The following RORA variants were observed in gnomAD, a reference collection of about 807,000 sequenced individuals.
RORA encodes nuclear receptor ROR-alpha.
RORA carries 7 observed loss-of-function variants against 69.5 expected under a neutral mutation model. The observed-to-expected ratio is 0.10, with a 90% CI of 0.06 to 0.19. The LOEUF is 0.19. Ranked by LOEUF, RORA falls within the 10% of genes least tolerant of loss-of-function variation. The probability of loss-of-function intolerance (pLI) is 1.00; values close to 1 mark genes in which losing one functional copy is unlikely to be tolerated. For synonymous variants in RORA, 261 were observed against 240.8 expected (o/e 1.08, Z -0.78); for missense variants, 457 against 663.0 (o/e 0.69, Z 3.41).
intron 1 of RORA, among the ~76,000 whole-genome samples, chr15:61,149,884 C>T (rs1398766688): frequency 6.6e-6 from 1 of 152,120 alleles, no homozygotes; most frequent in Non-Finnish European, 1.5e-5. Context: ...TTATTATTGA[C>T]TTAAGGAAAG....
chr15:61,106,972 C>A (rs1376659905), intron 1 of RORA, among the ~76,000 whole-genome samples: 4 of 152,192 alleles, frequency 2.6e-5, no homozygotes, highest in Admixed American at 2.6e-4. Flanking sequence ...GAAGAAGGTA[C>A]TGAGTCTTCT....
At position 60,808,624 on chromosome 15, in the gene RORA, C is replaced by T. The variant is rs193085194; in HGVS notation, c.167-129938G>A. 3.8e-3 allele frequency among the ~76,000 whole-genome samples: 571 copies of T among 151,344 alleles called. 3 individuals carry two copies. The highest frequency in any genetic ancestry group is 0.01 in the African/African-American group (426 of 41,306). On this transcript the variant is annotated intron_variant, in intron 1 of 10. Transcript: ENST00000335670. ...GATACTTGCACACACACGTTTATAG[C>T]GGCACATTTTACAATTGCAAAAATA...
At chr15:60,527,531 CTCA>C (rs775666472) in intron 3 of RORA, among the ~76,000 whole-genome samples, 5 of 152,200 alleles carry the variant, frequency 3.3e-5, no homozygotes, top group Admixed American at 6.5e-5. Context: ...GTTATGCCCC[CTCA>C]TCATGCTCAC....
intron 1 of RORA, among the ~76,000 whole-genome samples, chr15:61,063,353 C>T (rs866437630): frequency 4.6e-5 from 7 of 152,244 alleles, no homozygotes; most frequent in Middle Eastern, 3.4e-3. Context: ...CCAGTGAGAA[C>T]GTGCTGGAAT....
At chr15:61,192,740 T>G (rs190251976) in intron 1 of RORA, among the ~76,000 whole-genome samples, 15 of 152,326 alleles carry the variant, frequency 9.8e-5, no homozygotes, top group African/African-American at 3.1e-4. Context: ...TCACTGAGTA[T>G]GTGATTTGTT....
intron 2 of RORA, among the ~76,000 whole-genome samples, chr15:60,594,712 T>A (rs1167225406): frequency 6.6e-6 from 1 of 152,272 alleles, no homozygotes; most frequent in Admixed American, 6.5e-5. Context: ...CTCCTGCAGT[T>A]ATAAGTAGAA....
chr15:60,878,227 C>G (rs1389971366), intron 1 of RORA, among the ~76,000 whole-genome samples: 2 of 147,944 alleles, frequency 1.4e-5, no homozygotes, highest in Non-Finnish European at 3.0e-5. Flanking sequence ...GCCTGTAGTC[C>G]CAGCTACTCA....
intron 2 of RORA, among the ~76,000 whole-genome samples, chr15:60,610,349 A>T (rs948461462): frequency 6.6e-6 from 1 of 152,126 alleles, no homozygotes; most frequent in African/African-American, 2.4e-5. Context: ...CAAAGAACAG[A>T]CGCAGGTTTC....
At chr15:61,010,427 G>A (rs534181966) in intron 1 of RORA, among the ~76,000 whole-genome samples, 1 of 152,308 alleles carries the variant, frequency 6.6e-6, no homozygotes. Flanking sequence ...TAAAGTTGTA[G>A]TGAAAATTAG....
At chr15:61,167,026 G>A (rs931090492) in intron 1 of RORA, among the ~76,000 whole-genome samples, 1 of 152,162 alleles carries the variant, frequency 6.6e-6, no homozygotes, top group Non-Finnish European at 1.5e-5. Context: ...GTTGCCAGAT[G>A]TCTCAAACTG....
chr15:60,591,324 G>A (rs1000132295), intron 2 of RORA, among the ~76,000 whole-genome samples: 8 of 152,316 alleles, frequency 5.3e-5, no homozygotes, highest in South Asian at 2.1e-4. Context: ...CGTGCTGCGG[G>A]CTGAGTTTCT....
At position 60,869,443 on chromosome 15, in the gene RORA, A is replaced by G. The variant is rs73430054; in HGVS notation, c.167-190757T>C. On this transcript the variant is annotated intron_variant, in intron 1 of 10. Transcript: ENST00000335670. ...AACAGGAGAAGGAAAGGTGGTCTCA[A>G]TAATGCAGGGCATGTTTCAGCTTAA... 3.5e-3 allele frequency among the ~76,000 whole-genome samples: 530 copies of G among 152,324 alleles called. 5 individuals carry two copies. Among genetic ancestry groups the G allele is most frequent in the African/African-American group, 0.012 (513 of 41,570 alleles).
chr15:60,883,149 AAAGAAAGAGAGAG>A lies in RORA; in HGVS notation c.167-204476_167-204464del, dbSNP rs1191778847. Among the ~76,000 whole-genome samples the A allele has an allele frequency of 2.3e-4, 8 of 34,110 alleles. No homozygotes were observed. In the East Asian group the frequency reaches 2.7e-3, roughly 11 times the overall value. 22.4% of individuals were successfully genotyped at this position (34,110 alleles called of 152,430 possible). On this transcript the variant is annotated intron_variant, in intron 1 of 10. Transcript: ENST00000335670. The stretch of plus-strand genomic sequence containing the variant: ...TCGTCTCAAAAAAAAAAAAAAAAAA[AAAGAAAGAGAGAG>A]AGAGAGAGAGAGAGAGAGAGAAAGA...
At position 60,491,560 on chromosome 15, in the gene RORA, A is replaced by T. The variant is rs778887616; in HGVS notation, c.*5895T>A. The T allele has an allele frequency of 6.6e-6, 1 of 151,738 alleles. No individual in the cohort carries two copies. The highest frequency in any genetic ancestry group is 1.5e-5 in the Non-Finnish European group (1 of 67,912). 9.4% of individuals were successfully genotyped at this position (151,738 alleles called of 1,614,324 possible). Reference sequence around the variant, plus strand: ...TATTCTGTCATTCATTTATAAATAAATGACTGAATGTATTTATTGCTCTAA... The same window carrying T: ...TATTCTGTCATTCATTTATAAATAATTGACTGAATGTATTTATTGCTCTAA... On this transcript the variant is annotated 3_prime_UTR_variant, in exon 11 of 11. Coordinates refer to ENST00000335670, the MANE Select transcript of RORA (RefSeq NM_134261.3).
chr15:60,841,327 A>C (rs1387393637), intron 1 of RORA, among the ~76,000 whole-genome samples: 1 of 152,206 alleles, frequency 6.6e-6, no homozygotes, highest in African/African-American at 2.4e-5. Context: ...AAAGAGAAAG[A>C]GAGAGGAAGC....
At chr15:60,558,847 A>C (rs1467953506) in intron 2 of RORA, among the ~76,000 whole-genome samples, 3 of 140,134 alleles carry the variant, frequency 2.1e-5, no homozygotes, top group African/African-American at 3.2e-5. Flanking sequence ...TTTGGCTTTG[A>C]CTGTGCCAAT....
intron 1 of RORA, among the ~76,000 whole-genome samples, chr15:60,824,795 C>T (rs1443542861): frequency 6.6e-6 from 1 of 152,194 alleles, no homozygotes; most frequent in East Asian, 1.9e-4. Flanking sequence ...AACTCACACC[C>T]ATGCAATCTC....
intron 2 of RORA, among the ~76,000 whole-genome samples, chr15:60,673,108 T>C (rs2070499503): frequency 6.6e-6 from 1 of 152,218 alleles, no homozygotes; most frequent in Non-Finnish European, 1.5e-5. Flanking sequence ...ACGTATGTTA[T>C]GAAGTGGGAA....
intron 1 of RORA, among the ~76,000 whole-genome samples, chr15:61,000,863 T>A (rs1466362324): frequency 6.6e-6 from 1 of 152,200 alleles, no homozygotes; most frequent in Non-Finnish European, 1.5e-5. Flanking sequence ...GTCACTATCA[T>A]GTGGGGACAC....
Sources: allele counts gnomAD v4.1 joint callset (sites outside exome capture counted in the v4.1 genomes callset), GRCh38; gene constraint gnomAD v4.1.1; transcripts MANE v1.5; gene names NCBI Gene and HGNC (gene_info 2026-07-23, HGNC 2026-07-21).